The following AGBL4 variants were observed in gnomAD, a reference collection of about 807,000 sequenced individuals.
AGBL4 encodes the protein AGBL carboxypeptidase 4.
In AGBL4, 58 loss-of-function variants were observed where a neutral mutation model predicts 66.4. The ratio of observed to expected loss-of-function variants is 0.87; its 90% CI spans 0.71 to 1.09. The LOEUF is 1.09. AGBL4 is among the 50% of genes least tolerant of loss of function. AGBL4 has a pLI of 0.00. For synonymous variants in AGBL4, 234 were observed against 222.9 expected (o/e 1.05, Z -0.44); for missense variants, 579 against 631.0 (o/e 0.92, Z 0.88).
chr1:49,415,795 A>T (rs1645414447), intron 3 of AGBL4, among the ~76,000 whole-genome samples: 1 of 152,148 alleles, frequency 6.6e-6, no homozygotes, highest in Non-Finnish European at 1.5e-5. Context: ...AGGTTAAAGT[A>T]TTGAGGCTTA....
intron 3 of AGBL4, among the ~76,000 whole-genome samples, chr1:49,344,258 A>G (rs1645595397): frequency 6.6e-6 from 1 of 152,172 alleles, no homozygotes; most frequent in Admixed American, 6.6e-5. Context: ...ACATGTATAC[A>G]TATGTAACTA....
intron 3 of AGBL4, among the ~76,000 whole-genome samples, chr1:49,308,325 T>C (rs1207723399): frequency 6.6e-6 from 1 of 152,182 alleles, no homozygotes; most frequent in Non-Finnish European, 1.5e-5. Context: ...ATGTCAAACA[T>C]TGTTACATGT....
At chr1:49,966,725 G>A (rs1324700713) in intron 1 of AGBL4, among the ~76,000 whole-genome samples, 1 of 152,044 alleles carries the variant, frequency 6.6e-6, no homozygotes, top group Non-Finnish European at 1.5e-5. Context: ...AAAGGGTTAT[G>A]AACAATACTA....
At chr1:49,051,467 G>A (rs1644209465) in intron 4 of AGBL4, among the ~76,000 whole-genome samples, 1 of 152,156 alleles carries the variant, frequency 6.6e-6, no homozygotes, top group South Asian at 2.1e-4. Context: ...AAAGCAAACT[G>A]GCATGTAGTT....
At chr1:49,344,330 G>T (rs968409675) in intron 3 of AGBL4, among the ~76,000 whole-genome samples, 19 of 151,810 alleles carry the variant, frequency 1.3e-4, no homozygotes, top group Non-Finnish European at 1.6e-4. Flanking sequence ...AAAAAAAAAA[G>T]ACTACTGGAG....
chr1:48,786,225 G>A (rs2148723977), intron 6 of AGBL4, among the ~76,000 whole-genome samples: 1 of 152,240 alleles, frequency 6.6e-6, no homozygotes, highest in East Asian at 1.9e-4. Flanking sequence ...TCCATGATAG[G>A]AACTGTACTA....
At chr1:49,052,967 C>T (rs1033311428) in intron 4 of AGBL4, among the ~76,000 whole-genome samples, 7 of 152,054 alleles carry the variant, frequency 4.6e-5, no homozygotes, top group Admixed American at 3.3e-4. Flanking sequence ...GTCATGTAAC[C>T]TTGGGCCTGG....
intron 3 of AGBL4, among the ~76,000 whole-genome samples, chr1:49,408,294 A>G (rs1645245785): frequency 6.6e-6 from 1 of 152,228 alleles, no homozygotes; most frequent in African/African-American, 2.4e-5. Flanking sequence ...TAACACTGTT[A>G]TTTTTTAAAT....
rs1370165803 is a variant in AGBL4, at chr1:49,530,281, A to AAAAAAAAAAAAAAAAAAAAAT, written c.282+167031_282+167032insATTTTTTTTTTTTTTTTTTTT. 2.7e-5 allele frequency among the ~76,000 whole-genome samples: 4 copies of AAAAAAAAAAAAAAAAAAAAAT among 148,100 alleles called. 1 individual carries two copies. Among genetic ancestry groups the AAAAAAAAAAAAAAAAAAAAAT allele is most frequent in the Non-Finnish European group, 6.0e-5 (4 of 66,848 alleles). On this transcript the variant is annotated intron_variant, in intron 3 of 13. Transcript: ENST00000371839. Reference sequence around the variant, plus strand: ...TTGTAAAAAAAAAAAAACAAAAAAAAACTCTATGAGTTTTTTTTTATTATT... The same window carrying AAAAAAAAAAAAAAAAAAAAAT: ...TTGTAAAAAAAAAAAAACAAAAAAAAAAAAAAAAAAAAAAAAAAAATACTCTATGAGTTTTTTTTTATTATT...
intron 6 of AGBL4, among the ~76,000 whole-genome samples, chr1:48,769,561 ACACACACAC>A (rs987547631): frequency 2.7e-5 from 4 of 147,618 alleles, no homozygotes; most frequent in African/African-American, 7.7e-5. Context: ...ACACACACAC[ACACACACAC>A]AAGTTAAATT....
At chr1:49,156,451 G>T (rs1034567329) in intron 4 of AGBL4, among the ~76,000 whole-genome samples, 23 of 152,164 alleles carry the variant, frequency 1.5e-4, no homozygotes, top group Non-Finnish European at 2.9e-4. Flanking sequence ...TGAGGAATCT[G>T]GGAGTAAATT....
chr1:49,721,109 A>C (rs1372085268), intron 2 of AGBL4, among the ~76,000 whole-genome samples: 2 of 152,148 alleles, frequency 1.3e-5, no homozygotes, highest in East Asian at 1.9e-4. Flanking sequence ...AAAACGCACC[A>C]ATCAGTGCTC....
At chr1:49,433,795 T>C (rs1458799474) in intron 3 of AGBL4, among the ~76,000 whole-genome samples, 3 of 152,150 alleles carry the variant, frequency 2.0e-5, no homozygotes, top group African/African-American at 4.8e-5. Context: ...CTTCACATAT[T>C]TGTCATGAGG....
At chr1:49,919,781 G>C (rs1045085187) in intron 1 of AGBL4, among the ~76,000 whole-genome samples, 4 of 152,102 alleles carry the variant, frequency 2.6e-5, no homozygotes, top group African/African-American at 9.7e-5. Flanking sequence ...GCATTGCCAA[G>C]ACAATCCTAA....
At chr1:49,605,754 T>C (rs555364432) in intron 3 of AGBL4, among the ~76,000 whole-genome samples, 1 of 152,238 alleles carries the variant, frequency 6.6e-6, no homozygotes, top group Admixed American at 6.5e-5. Flanking sequence ...ATTTCTCTTA[T>C]ATGACCAAGG....
intron 2 of AGBL4, chr1:49,844,934 A>G: frequency 7.3e-7 from 1 of 1,366,750 alleles, no homozygotes; most frequent in Middle Eastern, 1.8e-4. Context: ...GGGTTTGGGG[A>G]AAACAGAAGT....
intron 3 of AGBL4, among the ~76,000 whole-genome samples, chr1:49,400,519 A>T (rs1645062334): frequency 6.6e-6 from 1 of 152,164 alleles, no homozygotes; most frequent in Non-Finnish European, 1.5e-5. Flanking sequence ...ATAAACATGG[A>T]ATATCTTTCC....
At chr1:49,671,145 G>A (rs1303247816) in intron 3 of AGBL4, among the ~76,000 whole-genome samples, 1 of 152,156 alleles carries the variant, frequency 6.6e-6, no homozygotes, top group East Asian at 1.9e-4. Context: ...CAGACACATA[G>A]GCCTATGGAA....
At chr1:49,021,548 G>A (rs1449932801) in intron 5 of AGBL4, among the ~76,000 whole-genome samples, 1 of 152,268 alleles carries the variant, frequency 6.6e-6, no homozygotes, top group African/African-American at 2.4e-5. Flanking sequence ...CAAGAAGTCA[G>A]CAATATGCAA....
Sources: allele counts gnomAD v4.1 joint callset (sites outside exome capture counted in the v4.1 genomes callset), GRCh38; gene constraint gnomAD v4.1.1; transcripts MANE v1.5; gene names NCBI Gene and HGNC (gene_info 2026-07-23, HGNC 2026-07-21).